The following BICD1 variants were observed in gnomAD, a reference collection of about 807,000 sequenced individuals.
BICD1 encodes BICD cargo adaptor 1.
In BICD1, 35 loss-of-function variants were observed where a neutral mutation model predicts 92.5. The ratio of observed to expected loss-of-function variants is 0.38; its 90% confidence interval spans 0.29 to 0.50. The LOEUF is 0.50. Among genes scored for constraint, BICD1 ranks in the 20% least tolerant of loss-of-function variants. The pLI is 0.93. For synonymous variants in BICD1, 429 were observed against 465.1 expected (o/e 0.92, Z 1.00); for missense variants, 950 against 1,189.8 (o/e 0.80, Z 2.97).
intron 2 of BICD1, among the ~76,000 whole-genome samples, chr12:32,248,641 G>A (rs1389038964): frequency 6.6e-6 from 1 of 152,198 alleles, no homozygotes; most frequent in Non-Finnish European, 1.5e-5. Context: ...TTAGAAGAGG[G>A]TGGGGAGAAC....
chr12:32,262,570 G>T (rs1361825614), intron 2 of BICD1, among the ~76,000 whole-genome samples: 3 of 152,184 alleles, frequency 2.0e-5, no homozygotes, highest in African/African-American at 7.2e-5. Flanking sequence ...TTGGAATAAG[G>T]GTCTTTGCCA....
chr12:32,255,457 G>A (rs1484427015), intron 2 of BICD1, among the ~76,000 whole-genome samples: 1 of 152,114 alleles, frequency 6.6e-6, no homozygotes, highest in South Asian at 2.1e-4. Context: ...AGGTAGTAGA[G>A]GCATACTGCT....
intron 2 of BICD1, among the ~76,000 whole-genome samples, chr12:32,250,202 A>T (rs1355171022): frequency 6.6e-6 from 1 of 152,210 alleles, no homozygotes; most frequent in African/African-American, 2.4e-5. Context: ...GAGATGGGCC[A>T]TTCTGCAGTT....
At chr12:32,223,484 T>G (rs1291015745) in intron 2 of BICD1, among the ~76,000 whole-genome samples, 1 of 143,418 alleles carries the variant, frequency 7.0e-6, no homozygotes, top group Non-Finnish European at 1.5e-5. Context: ...GCCACTGCAC[T>G]GGAGCCTGAG....
At chr12:32,190,287 G>A (rs1215144793) in intron 1 of BICD1, among the ~76,000 whole-genome samples, 1 of 152,110 alleles carries the variant, frequency 6.6e-6, no homozygotes, top group East Asian at 1.9e-4. Flanking sequence ...CCCAACCAAA[G>A]ATAAACAGTG....
At chr12:32,278,579 C>G (rs796955) in intron 2 of BICD1, among the ~76,000 whole-genome samples, 2 of 152,058 alleles carry the variant, frequency 1.3e-5, no homozygotes, top group African/African-American at 2.4e-5. Flanking sequence ...GCAGCCCGGG[C>G]GAGGTGGCTC....
intron 4 of BICD1, among the ~76,000 whole-genome samples, chr12:32,310,915 C>T (rs544713835): frequency 3.9e-5 from 6 of 151,968 alleles, no homozygotes; most frequent in Admixed American, 3.9e-4. Context: ...GTCCATATAC[C>T]CTTTCGGCCT....
chr12:32,144,075 T>TTA (rs1943033590), intron 1 of BICD1, among the ~76,000 whole-genome samples: 1 of 152,212 alleles, frequency 6.6e-6, no homozygotes, highest in Non-Finnish European at 1.5e-5. Flanking sequence ...TCTCTGCAGT[T>TTA]TACTCTTTTT....
chr12:32,260,253 T>G (rs1592573366), intron 2 of BICD1, among the ~76,000 whole-genome samples: 2 of 152,300 alleles, frequency 1.3e-5, no homozygotes, highest in East Asian at 3.9e-4. Flanking sequence ...TTTGTTGAAC[T>G]GGTTGCCAAC....
chr12:32,277,869 A>G (rs923060653), intron 2 of BICD1, among the ~76,000 whole-genome samples: 3 of 152,160 alleles, frequency 2.0e-5, no homozygotes, highest in Non-Finnish European at 2.9e-5. Flanking sequence ...TTATTTGAGT[A>G]TAATTCCACT....
chr12:32,356,589 C>T (rs1197888279), intron 8 of BICD1, among the ~76,000 whole-genome samples: 1 of 151,778 alleles, frequency 6.6e-6, no homozygotes. Context: ...GCCGAGAGCA[C>T]ACTACTGCAC....
chr12:32,308,317 C>T (rs558408164), intron 4 of BICD1, among the ~76,000 whole-genome samples: 1 of 152,272 alleles, frequency 6.6e-6, no homozygotes, highest in African/African-American at 2.4e-5. Flanking sequence ...GAAGTGATGA[C>T]CAGAAACTCC....
intron 3 of BICD1, among the ~76,000 whole-genome samples, chr12:32,303,654 T>C (rs1278714662): frequency 6.6e-6 from 1 of 152,206 alleles, no homozygotes; most frequent in Non-Finnish European, 1.5e-5. Context: ...GCAAGCCACC[T>C]GAGATAGTAT....
chr12:32,212,121 T>C (rs1945232952), intron 1 of BICD1, among the ~76,000 whole-genome samples: 1 of 152,236 alleles, frequency 6.6e-6, no homozygotes, highest in African/African-American at 2.4e-5. Context: ...AATATTTCTG[T>C]CTCACTGATG....
At chr12:32,134,644 G>C (rs934671216) in intron 1 of BICD1, among the ~76,000 whole-genome samples, 1 of 152,180 alleles carries the variant, frequency 6.6e-6, no homozygotes. Context: ...TTTCAGCACC[G>C]CGACTCTGTC....
intron 1 of BICD1, among the ~76,000 whole-genome samples, chr12:32,126,334 G>A (rs1263601034): frequency 6.6e-6 from 1 of 152,046 alleles, no homozygotes; most frequent in African/African-American, 2.4e-5. Context: ...CCGAGTTTGT[G>A]TAGAAAGGAT....
intron 1 of BICD1, among the ~76,000 whole-genome samples, chr12:32,164,960 A>G (rs1486907736): frequency 1.3e-5 from 2 of 152,192 alleles, no homozygotes; most frequent in Non-Finnish European, 2.9e-5. Flanking sequence ...ATCTGGGGTC[A>G]TGCCCGTGCC....
rs1565639578 is a variant in BICD1, at chr12:32,282,199, C to CTTTTTTT, written c.427-11793_427-11792insTTTTTTT. On this transcript the variant is annotated intron_variant, in intron 2 of 9. Transcript: ENST00000652176. Reference sequence around the variant, plus strand: ...AAAGCAAGACCCAGCTTCAGGTCTTCTTCTTTTTTTTTTTTTTTTTTTTTT... The same window carrying CTTTTTTT: ...AAAGCAAGACCCAGCTTCAGGTCTTCTTTTTTTTTCTTTTTTTTTTTTTTTTTTTTTT... Among the ~76,000 whole-genome samples the CTTTTTTT allele has an allele frequency of 4.3e-5, 3 of 68,994 alleles. 1 individual carries two copies. Among genetic ancestry groups the CTTTTTTT allele is most frequent in the Non-Finnish European group, 2.8e-5 (1 of 35,274 alleles). The allele number at this position is 68,994 out of a possible 152,430, so 45.3% of individuals were successfully genotyped here. A position where few individuals can be genotyped will look rare whatever the true frequency, so the allele number is the denominator to read the frequency against.
intron 4 of BICD1, among the ~76,000 whole-genome samples, chr12:32,311,729 G>C (rs1361636153): frequency 1.3e-5 from 2 of 152,194 alleles, no homozygotes; most frequent in Non-Finnish European, 2.9e-5. Flanking sequence ...TTCAGAGAGA[G>C]CAGGTTGTAA....
Sources: allele counts gnomAD v4.1 joint callset (sites outside exome capture counted in the v4.1 genomes callset), GRCh38; gene constraint gnomAD v4.1.1; transcripts MANE v1.5; gene names NCBI Gene and HGNC (gene_info 2026-07-23, HGNC 2026-07-21).